LRBA: variants seen among roughly 807,000 people sequenced by gnomAD.
The protein encoded by LRBA is lipopolysaccharide-responsive and beige-like anchor protein.
Under a neutral mutation model 330.0 loss-of-function variants are expected in LRBA, and 176 were observed. That is an observed-to-expected ratio of 0.53 (90% confidence interval 0.47 to 0.60). The LOEUF (loss-of-function observed/expected upper bound fraction) is 0.60, where lower values mean the gene tolerates loss of function less well. LRBA is among the 20% of genes least tolerant of loss of function. The pLI, the probability that LRBA is intolerant of heterozygous loss-of-function variation, is 0.00. For synonymous variants in LRBA, 1,230 were observed against 1,193.0 expected (o/e 1.03, Z -0.64); for missense variants, 3,259 against 3,444.8 (o/e 0.95, Z 1.35).
chr4:150,999,776 GT>G (rs1561113082), intron 2 of LRBA, among the ~76,000 whole-genome samples: 1 of 151,594 alleles, frequency 6.6e-6, no homozygotes, highest in East Asian at 1.9e-4. Flanking sequence ...TAATCCATAC[GT>G]TCTGGTAATA....
chr4:150,513,248 A>G (rs1762011939), intron 40 of LRBA, among the ~76,000 whole-genome samples: 2 of 152,238 alleles, frequency 1.3e-5, no homozygotes, highest in Non-Finnish European at 2.9e-5. Flanking sequence ...TTGCCATCTT[A>G]TATGACACAC....
chr4:150,806,621 T>C (rs1742834092), intron 32 of LRBA, among the ~76,000 whole-genome samples: 1 of 152,146 alleles, frequency 6.6e-6, no homozygotes, highest in African/African-American at 2.4e-5. Flanking sequence ...ACAAACAACC[T>C]GGTTAACAAC....
At chr4:150,915,773 C>T (rs760468544) in intron 7 of LRBA, 46 bp from the exon 8 acceptor site, 14 of 1,521,536 alleles carry the variant, frequency 9.2e-6, no homozygotes, top group African/African-American at 1.4e-5. Flanking sequence ...AACAATTATC[C>T]CAATAACGCA....
intron 24 of LRBA, among the ~76,000 whole-genome samples, chr4:150,849,956 TAAC>T (rs1006606018): frequency 1.3e-5 from 2 of 152,148 alleles, no homozygotes; most frequent in African/African-American, 2.4e-5. Flanking sequence ...CTTTTAAACA[TAAC>T]AAGAATCTTA....
At chr4:150,866,626 ATT>A (rs1189064616) in intron 22 of LRBA, among the ~76,000 whole-genome samples, 1 of 152,188 alleles carries the variant, frequency 6.6e-6, no homozygotes, top group Non-Finnish European at 1.5e-5. Context: ...AAAGTTCAAC[ATT>A]TTCACCTTAT....
chr4:150,298,439 G>A (rs916569480), intron 53 of LRBA, among the ~76,000 whole-genome samples: 4 of 151,974 alleles, frequency 2.6e-5, no homozygotes, highest in Non-Finnish European at 2.9e-5. Flanking sequence ...TCTCATTAGG[G>A]TGATACTAGT....
At chr4:150,547,850 T>C (rs972706057) in intron 40 of LRBA, among the ~76,000 whole-genome samples, 6 of 152,142 alleles carry the variant, frequency 3.9e-5, no homozygotes, top group African/African-American at 7.2e-5. Flanking sequence ...ATACATGGCA[T>C]AGCAAAACTG....
intron 47 of LRBA, among the ~76,000 whole-genome samples, chr4:150,383,102 G>A (rs1287109519): frequency 1.3e-5 from 2 of 152,168 alleles, no homozygotes; most frequent in Non-Finnish European, 2.9e-5. Context: ...TCTTATGGAT[G>A]ATTAACATTA....
intron 40 of LRBA, among the ~76,000 whole-genome samples, chr4:150,501,498 G>T (rs1206307965): frequency 6.6e-6 from 1 of 152,102 alleles, no homozygotes; most frequent in Non-Finnish European, 1.5e-5. Flanking sequence ...TGTGGTCCCA[G>T]ATACTAGGGC....
chr4:150,735,669 T>G (rs936420085), intron 35 of LRBA, among the ~76,000 whole-genome samples: 2 of 152,274 alleles, frequency 1.3e-5, no homozygotes. Flanking sequence ...GCAGCCAAAA[T>G]TAACCAGTGA....
intron 22 of LRBA, among the ~76,000 whole-genome samples, chr4:150,858,425 C>A (rs1288547523): frequency 6.6e-6 from 1 of 151,802 alleles, no homozygotes. Context: ...TAAAAACACA[C>A]ACACAAACAC....
At chr4:150,612,951 C>A (rs1197636417) in intron 37 of LRBA, among the ~76,000 whole-genome samples, 1 of 152,048 alleles carries the variant, frequency 6.6e-6, no homozygotes, top group Non-Finnish European at 1.5e-5. Flanking sequence ...GGCCAATTTT[C>A]AATTGATACA....
rs148420742 is a variant in LRBA, at chr4:150,391,068, A to G, written c.7194+24370T>C. ...AGGAGTCACCAGGTGATGACATTTT[A>G]GAAAGCAGAATGTGAGCAAAAATGA... On this transcript the variant is annotated intron_variant, in intron 47 of 56. Transcript: ENST00000651943. Among the ~76,000 whole-genome samples the G allele has an allele frequency of 6.5e-3, 985 of 152,294 alleles. 8 individuals are homozygous for G. The highest frequency in any genetic ancestry group is 0.023 in the African/African-American group (945 of 41,566).
chr4:150,273,723 T>C (rs1180975241), intron 56 of LRBA, among the ~76,000 whole-genome samples: 2 of 151,518 alleles, frequency 1.3e-5, no homozygotes, highest in Non-Finnish European at 2.9e-5. Flanking sequence ...AAGAAGGCCA[T>C]GACATAATGG....
At chr4:150,845,076 T>TG (rs1749657235) in intron 26 of LRBA, among the ~76,000 whole-genome samples, 1 of 152,186 alleles carries the variant, frequency 6.6e-6, no homozygotes, top group Non-Finnish European at 1.5e-5. Flanking sequence ...GGCTACTATT[T>TG]CTTAGATCTC....
At chr4:150,528,844 T>C (rs1212411431) in intron 40 of LRBA, among the ~76,000 whole-genome samples, 3 of 152,216 alleles carry the variant, frequency 2.0e-5, no homozygotes, top group African/African-American at 4.8e-5. Flanking sequence ...GGAAAATGGC[T>C]GCAAATACAG....
At chr4:150,505,287 GCACCA>G (rs750635216) in intron 40 of LRBA, among the ~76,000 whole-genome samples, 36 of 151,920 alleles carry the variant, frequency 2.4e-4, no homozygotes, top group Non-Finnish European at 4.6e-4. Context: ...TTTTTTTTCA[GCACCA>G]CACCACACCT....
intron 46 of LRBA, among the ~76,000 whole-genome samples, chr4:150,434,712 G>A (rs936910818): frequency 3.9e-5 from 6 of 151,994 alleles, no homozygotes; most frequent in Admixed American, 1.3e-4. Context: ...TTAGCCTAGC[G>A]TGGTGGTACA....
intron 30 of LRBA, among the ~76,000 whole-genome samples, chr4:150,818,044 C>T (rs1224477142): frequency 6.6e-6 from 1 of 152,058 alleles, no homozygotes; most frequent in Non-Finnish European, 1.5e-5. Context: ...AGCCCAAAGT[C>T]TTCAACATTC....
Sources: gnomAD v4.1 joint callset for allele counts (sites outside exome capture counted in the v4.1 genomes callset) on GRCh38, gnomAD v4.1.1 for gene constraint, MANE v1.5 for transcripts, NCBI Gene and HGNC (gene_info 2026-07-23, HGNC 2026-07-21) for gene names.